Variants in MTFR1 observed in about 807,000 individuals in gnomAD.
MTFR1 encodes mitochondrial fission regulator 1, also known as chondrocyte protein with a poly-proline region.
A neutral mutation model predicts 38.8 loss-of-function variants in MTFR1; 28 were observed. That is an observed-to-expected ratio of 0.72 (90% CI 0.53 to 0.99). The LOEUF is 0.99. MTFR1 is among the 50% of genes least tolerant of loss of function. The pLI, the probability that MTFR1 is intolerant of heterozygous loss-of-function variation, is 0.00. For synonymous variants in MTFR1, 145 were observed against 137.0 expected, an observed-to-expected ratio of 1.06 and a Z score of -0.41; for missense variants, 358 against 395.5, an observed-to-expected ratio of 0.91 and a Z score of 0.81.
At chr8:65,705,149 C>G (rs1877638) in intron 5 of MTFR1, among the ~76,000 whole-genome samples, 20,205 of 151,998 alleles carry the variant, frequency 0.13, 2,223 homozygotes, top group East Asian at 0.52. Flanking sequence ...CATGGTGAAA[C>G]CCCATCTCTA....
intron 5 of MTFR1, among the ~76,000 whole-genome samples, chr8:65,705,293 C>T (rs1042568708): frequency 3.9e-5 from 6 of 152,152 alleles, no homozygotes; most frequent in Admixed American, 1.3e-4. Flanking sequence ...CACTGCACTC[C>T]GGCCTGGCGA....
chr8:65,762,792 T>C (rs151173416), intron 3 of MTFR1, among the ~76,000 whole-genome samples: 87 of 152,278 alleles, frequency 5.7e-4, no homozygotes, highest in African/African-American at 2.0e-3. Flanking sequence ...AGAGAAATAA[T>C]TGGAAACATT....
At position 65,693,533 on chromosome 8, in the gene MTFR1, A is replaced by G. The variant is rs140960318; in HGVS notation, c.166-111A>G. On this transcript the variant is annotated intron_variant, in intron 3 of 7. Transcript: ENST00000262146. ...ACCTTCAGTGGAAGAGTTAGAAACC[A>G]CTCATGTGTTTTTAACACCAGAGCT... 1.8e-3 allele frequency: 1,325 copies of G among 737,724 alleles called. 15 individuals are homozygous for G. In the African/African-American group the frequency reaches 0.022, roughly 12 times the overall value. The allele number at this position is 737,724 out of a possible 1,614,324, so 45.7% of individuals were successfully genotyped here. A position where few individuals can be genotyped will look rare whatever the true frequency, so the allele number is the denominator to read the frequency against.
chr8:65,723,422 A>G, intron 3 of MTFR1: 1 of 1,022,132 alleles, frequency 9.8e-7, no homozygotes, highest in Non-Finnish European at 1.3e-6. Context: ...AATTTCTTAA[A>G]TTATTTTTAA....
At chr8:65,754,172 G>A (rs979261191) in intron 3 of MTFR1, among the ~76,000 whole-genome samples, 2 of 152,074 alleles carry the variant, frequency 1.3e-5, no homozygotes. Flanking sequence ...TAGGAAGCTA[G>A]GCCAGTCTAG....
Position 65,738,987 on chromosome 8 carries a change from G to A in MTFR1, c.*48+19506G>A, listed in dbSNP as rs971757803. Among the ~76,000 whole-genome samples, 9 of 152,284 alleles carry A rather than the reference G, an allele frequency of 5.9e-5. No individual in the cohort carries two copies. The East Asian group carries it at 1.4e-3, about 23-fold the overall frequency. On this transcript the variant is annotated intron_variant, in intron 3 of 3. Coordinates refer to the MTFR1 transcript ENST00000521247. ...GCACCAACAGGTGTAGTGCATCCCT[G>A]GTCTGACTTGCTGTGGCCACTTGCT...
At chr8:65,719,699 G>T in intron 3 of MTFR1, 3 of 553,286 alleles carry the variant, frequency 5.4e-6, no homozygotes, top group South Asian at 2.5e-5. Context: ...GTAACTCAAT[G>T]GAAATTTGAG....
chr8:65,706,279 GCT>G (rs1467773693), intron 5 of MTFR1, among the ~76,000 whole-genome samples: 5 of 152,164 alleles, frequency 3.3e-5, no homozygotes, highest in African/African-American at 1.2e-4. Flanking sequence ...TAATTTTGAA[GCT>G]CTATTTATAA....
chr8:65,687,592 G>A (rs564208621), intron 3 of MTFR1, among the ~76,000 whole-genome samples: 267 of 152,052 alleles, frequency 1.8e-3, no homozygotes, highest in African/African-American at 6.1e-3. Context: ...TGATCCGCCC[G>A]CCTCGGCCTC....
chr8:65,665,502 T>A (rs1043271536), intron 1 of MTFR1, among the ~76,000 whole-genome samples: 1 of 152,258 alleles, frequency 6.6e-6, no homozygotes, highest in African/African-American at 2.4e-5. Flanking sequence ...TAGTTTCATC[T>A]AGATACACTT....
At chr8:65,686,511 C>T (rs559429521) in intron 3 of MTFR1, among the ~76,000 whole-genome samples, 5 of 135,522 alleles carry the variant, frequency 3.7e-5, no homozygotes, top group South Asian at 5.2e-4. Flanking sequence ...ACCTGGGAGG[C>T]GGAGGTTGCA....
intron 3 of MTFR1, among the ~76,000 whole-genome samples, chr8:65,730,031 A>G (rs980590848): frequency 2.9e-4 from 44 of 152,040 alleles, no homozygotes; most frequent in African/African-American, 1.0e-3. Flanking sequence ...GGAACCTGAG[A>G]GGAACCAGGT....
intron 1 of MTFR1, among the ~76,000 whole-genome samples, chr8:65,665,219 C>T (rs1219226023): frequency 6.6e-6 from 1 of 152,166 alleles, no homozygotes; most frequent in Non-Finnish European, 1.5e-5. Flanking sequence ...AGGTATGAGC[C>T]ACCATGCCTG....
At position 65,707,967 on chromosome 8, in the gene MTFR1, G is replaced by C; in HGVS notation, c.889G>C (p.Gly297Arg). ...TGATAGCCAAGATGAAGTTGAAAAA[G>C]GAATTCCAAAGTCTGAATCAGAGGC... The part of the protein sequence containing the change: ...RSDSQDEVEK[G>R]IPKSESEATS... The change falls in exon 7 of 8, where the codon GGA becomes CGA. Residue 297 changes from glycine to arginine, a missense_variant. Gly to Arg is a moderately radical substitution (Grantham distance 125). Transcript: ENST00000262146. 1 of 1,613,706 alleles carries C rather than the reference G, an allele frequency of 6.2e-7. No homozygotes were observed. The highest frequency in any genetic ancestry group is 8.5e-7 in the Non-Finnish European group (1 of 1,179,970).
At chr8:65,693,815 A>T in intron 4 of MTFR1, 56 bp downstream of exon 4, 1 of 1,356,098 alleles carries the variant, frequency 7.4e-7, no homozygotes, top group Admixed American at 1.8e-5. Context: ...TTAAAGAATG[A>T]TATTATTTGC....
At chr8:65,739,532 A>G in intron 3 of MTFR1, 9 of 1,570,950 alleles carry the variant, frequency 5.7e-6, no homozygotes, top group Non-Finnish European at 7.7e-6. Context: ...ATCATATCTA[A>G]ATGGAAGTAC....
chr8:65,713,195 CTT>C (rs528488766), downstream of MTFR1, among the ~76,000 whole-genome samples: 2 of 152,190 alleles, frequency 1.3e-5, no homozygotes, highest in Non-Finnish European at 2.9e-5. Flanking sequence ...AATCCCAGCA[CTT>C]TGGGAGGCTG....
At chr8:65,732,526 A>AATCT (rs573315651) in intron 3 of MTFR1, among the ~76,000 whole-genome samples, 1 of 152,048 alleles carries the variant, frequency 6.6e-6, no homozygotes, top group Non-Finnish European at 1.5e-5. Context: ...GCATCTATCT[A>AATCT]ATCTATCTAT....
At chr8:65,704,249 GA>G (rs1805712039) in intron 4 of MTFR1, among the ~76,000 whole-genome samples, 1 of 152,132 alleles carries the variant, frequency 6.6e-6, no homozygotes, top group African/African-American at 2.4e-5. Context: ...CAAGATTAAA[GA>G]GTAATTTGTC....
Sources: gnomAD v4.1 joint callset for allele counts (sites outside exome capture counted in the v4.1 genomes callset) on GRCh38, gnomAD v4.1.1 for gene constraint, MANE v1.5 for transcripts, NCBI Gene and HGNC (gene_info 2026-07-23, HGNC 2026-07-21) for gene names.